The following BRIP1 variants were observed in gnomAD, a reference collection of about 807,000 sequenced individuals.
BRIP1 encodes the protein Fanconi anemia group J protein.
BRIP1 carries 88 observed loss-of-function variants against 119.7 expected under a neutral mutation model. The ratio of observed to expected loss-of-function variants is 0.74; its 90% CI spans 0.62 to 0.88. BRIP1 has a LOEUF of 0.88. Ranked by LOEUF, BRIP1 falls within the 40% of genes least tolerant of loss-of-function variation. BRIP1 has a pLI of 0.00. For missense variants in BRIP1, 1,259 were observed against 1,455.4 expected, an observed-to-expected ratio of 0.87 and a Z score of 2.20; for synonymous variants, 443 against 496.5, an observed-to-expected ratio of 0.89 and a Z score of 1.43.
rs1440095399 is a variant in BRIP1, at chr17:61,802,503, A to C, written c.919-1029T>G. 1.3e-5 allele frequency among the ~76,000 whole-genome samples: 2 copies of C among 152,210 alleles called. No homozygotes were observed. Among genetic ancestry groups the C allele is most frequent in the African/African-American group, 2.4e-5 (1 of 41,448 alleles). ...AGAACAAAGCAAATGTTCCCCAGGC[A>C]TTGAGGATTATTAACAATTCAGCCA... On this transcript the variant is annotated intron_variant, in intron 7 of 19. Coordinates refer to ENST00000259008, the MANE Select transcript of BRIP1 (RefSeq NM_032043.3). This position sits in a 1 kb window ranked among gnomAD's most constrained non-coding sequence, Gnocchi z 6.0.
chr17:61,856,652 A>T lies in BRIP1; in HGVS notation c.379+406T>A, dbSNP rs888995728. ...ACATAAACATACCTGATACTTATGTAGGATACTGGCCTCAGAAGGCCAGGC... is the reference window on the plus strand; with the variant it reads ...ACATAAACATACCTGATACTTATGTTGGATACTGGCCTCAGAAGGCCAGGC... On this transcript the variant is annotated intron_variant, in intron 4 of 19. Coordinates refer to ENST00000259008, the MANE Select transcript of BRIP1 (RefSeq NM_032043.3). This position sits in a 1 kb window ranked among gnomAD's most constrained non-coding sequence, Gnocchi z 5.1. Among the ~76,000 whole-genome samples the T allele has an allele frequency of 2.0e-5, 3 of 152,224 alleles. No individual in the cohort carries two copies. The highest frequency in any genetic ancestry group is 6.5e-5 in the Admixed American group (1 of 15,282).
chr17:61,686,165 C>A lies in BRIP1; in HGVS notation c.2576G>T (p.Gly859Val). ...CTGCTGCCGTACCCATTTAGAAAGT[C>A]CTAAAGAAAAAGGTAAACCCAGGGA... ...FRNNPSRYISGLSKWVRQQIQ... is the reference protein window; with the variant it reads ...FRNNPSRYISVLSKWVRQQIQ... The change falls in exon 19 of 20, where the codon GGA becomes GTA. Residue 859 changes from glycine (G) to valine (V), a missense_variant and splice_region_variant. Coordinates refer to ENST00000259008, the MANE Select transcript of BRIP1 (RefSeq NM_032043.3). The surrounding 1 kb of genome is among the most constrained non-coding windows in gnomAD (Gnocchi z 5.4). 6.2e-7 allele frequency: 1 copy of A among 1,613,766 alleles called. No individual in the cohort carries two copies. The highest frequency in any genetic ancestry group is 1.1e-5 in the South Asian group (1 of 91,048).
Position 61,798,856 on chromosome 17 carries a change from C to T in BRIP1, c.1340+244G>A, listed in dbSNP as rs894976241. Among the ~76,000 whole-genome samples, 2 of 151,958 alleles carry T rather than the reference C, an allele frequency of 1.3e-5. No individual in the cohort carries two copies. The highest frequency in any genetic ancestry group is 4.8e-5 in the African/African-American group (2 of 41,396). On this transcript the variant is annotated intron_variant, in intron 9 of 19. Transcript: ENST00000259008. This position sits in a 1 kb window ranked among gnomAD's most constrained non-coding sequence, Gnocchi z 5.5. ...ACATCCTTCGGGGCTATTATGTTAT[C>T]CTGCCAAATTAGGAATAAGATTCAC... is the stretch of plus-strand genomic sequence containing the variant.
At position 61,799,317 on chromosome 17, in the gene BRIP1, T is replaced by C. The variant is rs2145311130; in HGVS notation, c.1141-18A>G. On this transcript the variant is annotated intron_variant, in intron 8 of 19. Transcript: ENST00000259008. The surrounding 1 kb of genome is among the most constrained non-coding windows in gnomAD (Gnocchi z 5.1). ...AAATCCATCTATAAGATAAAAGAAT[T>C]TTCTTGTAAAACATTTGGCAAAATA... 1 of 1,592,920 alleles carries C rather than the reference T, an allele frequency of 6.3e-7. No individual in the cohort carries two copies. Among genetic ancestry groups the C allele is most frequent in the South Asian group, 1.1e-5 (1 of 89,980 alleles).
Position 61,808,800 on chromosome 17 carries a change from A to G in BRIP1, c.628-43T>C, listed in dbSNP as rs2078119447. The stretch of plus-strand genomic sequence containing the variant: ...AACGATAACTAATATCTAAACTACC[A>G]TAAAAAACGTTATCAAACCTCACAT... On this transcript the variant is annotated intron_variant, in intron 6 of 19. Coordinates refer to ENST00000259008, the MANE Select transcript of BRIP1 (RefSeq NM_032043.3). This position sits in a 1 kb window ranked among gnomAD's most constrained non-coding sequence, Gnocchi z 4.1. 1.9e-6 allele frequency: 3 copies of G among 1,581,436 alleles called. No homozygotes were observed. The highest frequency in any genetic ancestry group is 2.6e-6 in the Non-Finnish European group (3 of 1,159,654).
At position 61,684,052 on chromosome 17, in the gene BRIP1, C is replaced by A. The variant is rs757225144; in HGVS notation, c.2994G>T (p.Lys998Asn). The A allele has an allele frequency of 6.2e-7, 1 of 1,613,690 alleles. No individual in the cohort carries two copies. The part of the protein sequence containing the change: ...STSPTFNKQT[K>N]RVSWSSFNSL... ...AATTAAAGCTTGACCAGCTAACTCT[C>A]TTTGTTTGTTTGTTGAAAGTTGGGC... The change falls in exon 20 of 20, where the codon AAG becomes AAT. Residue 998 changes from lysine (K) to asparagine (N), a missense_variant. Around this residue, in one of 3 missense-constraint regions of BRIP1, gnomAD observed 753 missense variants for 891.8 expected, o/e 0.84. Transcript: ENST00000259008. The surrounding 1 kb of genome is among the most constrained non-coding windows in gnomAD (Gnocchi z 4.5).
rs1373651615 is a variant in BRIP1, at chr17:61,823,910, T to C, written c.628-15153A>G. ...CTCACTGCAACCTCCGCCTCCTGGG[T>C]TCAAGTGATTCTCCTGCCTCAGACT... On this transcript the variant is annotated intron_variant, in intron 6 of 19. Transcript: ENST00000259008. The surrounding 1 kb of genome is among the most constrained non-coding windows in gnomAD (Gnocchi z 4.8). Among the ~76,000 whole-genome samples the C allele has an allele frequency of 6.6e-6, 1 of 152,046 alleles. No homozygotes were observed. Among genetic ancestry groups the C allele is most frequent in the East Asian group, 1.9e-4 (1 of 5,184 alleles).
rs1282184260 is a variant in BRIP1, at chr17:61,852,791, C to A, written c.380-3535G>T. Among the ~76,000 whole-genome samples the A allele has an allele frequency of 1.3e-5, 2 of 152,090 alleles. No homozygotes were observed. Among genetic ancestry groups the A allele is most frequent in the Non-Finnish European group, 1.5e-5 (1 of 68,020 alleles). On this transcript the variant is annotated intron_variant, in intron 4 of 19. Coordinates refer to ENST00000259008, the MANE Select transcript of BRIP1 (RefSeq NM_032043.3). This position sits in a 1 kb window ranked among gnomAD's most constrained non-coding sequence, Gnocchi z 4.9. ...TACTAACTAAAACCCAATGAGAATA[C>A]CACACATACACAAGAATGACTAACT...
chr17:61,726,568 A>G lies in BRIP1; in HGVS notation c.2380-10505T>C, dbSNP rs1310558519. 6.6e-6 allele frequency among the ~76,000 whole-genome samples: 1 copy of G among 152,208 alleles called. No homozygotes were observed. On this transcript the variant is annotated intron_variant, in intron 16 of 19. Coordinates refer to ENST00000259008, the MANE Select transcript of BRIP1 (RefSeq NM_032043.3). The surrounding 1 kb of genome is among the most constrained non-coding windows in gnomAD (Gnocchi z 6.2). ...AATGTTTGGCACATAACTTTAGGTG[A>G]CTTAAAAAGTAAGTTTCTTGGGTTC...
chr17:61,772,969 A>C (rs2077481079), intron 14 of BRIP1, among the ~76,000 whole-genome samples: 1 of 151,998 alleles, frequency 6.6e-6, no homozygotes, highest in African/African-American at 2.4e-5. Context: ...AGTATAGTGA[A>C]GGGAGCTGTT....
chr17:61,711,618 T>C (rs1445291423), intron 17 of BRIP1, among the ~76,000 whole-genome samples: 1 of 152,008 alleles, frequency 6.6e-6, no homozygotes, highest in Non-Finnish European at 1.5e-5. Context: ...CCTGTAATCT[T>C]AACACTTTGG....
rs539245134 is a variant in BRIP1 at position 61,710,654 on chromosome 17, A to T, written c.2492+5297T>A. ...ACATACTTATGTTTAATAGTGAAAA[A>T]TTCGGTGGCTAGAGGTAGAGGATAA... On this transcript the variant is annotated intron_variant, in intron 17 of 19. Coordinates refer to ENST00000259008, the MANE Select transcript of BRIP1 (RefSeq NM_032043.3). The surrounding 1 kb of genome is among the most constrained non-coding windows in gnomAD (Gnocchi z 5.4). 3.3e-5 allele frequency among the ~76,000 whole-genome samples: 5 copies of T among 152,348 alleles called. No individual in the cohort carries two copies. The East Asian group carries it at 9.6e-4, about 29-fold the overall frequency.
At chr17:61,850,985 T>C (rs570011215) in intron 4 of BRIP1, among the ~76,000 whole-genome samples, 6 of 152,272 alleles carry the variant, frequency 3.9e-5, no homozygotes, top group Non-Finnish European at 8.8e-5. Flanking sequence ...CCCAGCACTT[T>C]GGGAGGCCGA....
intron 17 of BRIP1, among the ~76,000 whole-genome samples, chr17:61,702,262 G>T (rs2061626759): frequency 6.7e-6 from 1 of 149,548 alleles, no homozygotes; most frequent in South Asian, 2.1e-4. Flanking sequence ...TGTTGTTGTT[G>T]TTGTTGTTTT....
At chr17:61,786,925 A>G (rs1263724971) in intron 10 of BRIP1, among the ~76,000 whole-genome samples, 6 of 40,620 alleles carry the variant, frequency 1.5e-4, no homozygotes, top group Admixed American at 1.4e-3. Context: ...AAAAATATAT[A>G]TTTATATATA....
In BRIP1 at chr17:61,827,745, C is replaced by T. The variant is rs1410006360; in HGVS notation, c.628-18988G>A. Among the ~76,000 whole-genome samples the T allele has an allele frequency of 2.6e-5, 4 of 152,066 alleles. No individual in the cohort carries two copies. Among genetic ancestry groups the T allele is most frequent in the Admixed American group, 6.6e-5 (1 of 15,240 alleles). On this transcript the variant is annotated intron_variant, in intron 6 of 19. Coordinates refer to ENST00000259008, the MANE Select transcript of BRIP1 (RefSeq NM_032043.3). This position sits in a 1 kb window ranked among gnomAD's most constrained non-coding sequence, Gnocchi z 5.8. The stretch of plus-strand genomic sequence containing the variant: ...CCCTGTCTCAAAAAAGGGCAAAGGA[C>T]TTGAATAGACATTTCTCCAAAGAAA...
rs2078223392 is a variant in BRIP1, at chr17:61,815,497, A to C, written c.628-6740T>G. Among the ~76,000 whole-genome samples, 1 of 152,184 alleles carries C rather than the reference A, an allele frequency of 6.6e-6. No individual in the cohort carries two copies. On this transcript the variant is annotated intron_variant, in intron 6 of 19. Transcript: ENST00000259008. The surrounding 1 kb of genome is among the most constrained non-coding windows in gnomAD (Gnocchi z 4.1). ...TGTAAAGGAATAAACAACAGCCAAG[A>C]GAATTTCATAAAGTTTCCTCCACTG...
rs1361220967 is a variant in BRIP1 at position 61,844,467 on chromosome 17, G to A, written c.627+2634C>T. On this transcript the variant is annotated intron_variant, in intron 6 of 19. Transcript: ENST00000259008. The surrounding 1 kb of genome is among the most constrained non-coding windows in gnomAD (Gnocchi z 4.7). ...TAGCTGGGCATGGTGTTGCACAGCT[G>A]TAGTCCTTGCTATTCAGGAGGCTGG... Among the ~76,000 whole-genome samples, 1 of 152,154 alleles carries A rather than the reference G, an allele frequency of 6.6e-6. No homozygotes were observed. The highest frequency in any genetic ancestry group is 2.4e-5 in the African/African-American group (1 of 41,434).
At chr17:61,771,644 AAC>A (rs2077449861) in intron 14 of BRIP1, among the ~76,000 whole-genome samples, 1 of 152,194 alleles carries the variant, frequency 6.6e-6, no homozygotes, top group African/African-American at 2.4e-5. Flanking sequence ...CTATAAAAAA[AAC>A]AGTTTGGTGG....
Sources: allele counts gnomAD v4.1 joint callset (sites outside exome capture counted in the v4.1 genomes callset), GRCh38; gene constraint gnomAD v4.1.1; regional missense constraint gnomAD v4.1.1; non-coding constraint Gnocchi (gnomAD v3.1); transcripts MANE v1.5; gene names NCBI Gene and HGNC (gene_info 2026-07-23, HGNC 2026-07-21).